KBTBD12: variants seen among roughly 807,000 people sequenced by gnomAD.
The protein encoded by KBTBD12 is kelch repeat and BTB domain containing 12.
KBTBD12 carries 53 observed loss-of-function variants against 58.7 expected under a neutral mutation model. That is an observed-to-expected ratio of 0.90 (90% CI 0.72 to 1.14). The LOEUF (loss-of-function observed/expected upper bound fraction) is 1.14. Among genes scored for constraint, KBTBD12 ranks in the 50% most tolerant of loss-of-function variants. The probability of loss-of-function intolerance (pLI) is 0.00; values close to 1 mark genes in which losing one functional copy is unlikely to be tolerated. For synonymous variants in KBTBD12, 236 were observed against 259.8 expected (o/e 0.91, Z 0.88); for missense variants, 704 against 751.3 (o/e 0.94, Z 0.74).
At chr3:127,983,117 A>G (rs1276521366) in intron 5 of KBTBD12, among the ~76,000 whole-genome samples, 1 of 152,244 alleles carries the variant, frequency 6.6e-6, no homozygotes, top group African/African-American at 2.4e-5. Flanking sequence ...CACTTTTTCA[A>G]CTGGAGACAA....
intron 5 of KBTBD12, among the ~76,000 whole-genome samples, chr3:127,974,770 G>T (rs781687998): frequency 6.6e-6 from 1 of 152,100 alleles, no homozygotes; most frequent in Non-Finnish European, 1.5e-5. Flanking sequence ...GGGGGAACAC[G>T]AGGTGAGACC....
chr3:127,955,829 G>A (rs139113910), intron 4 of KBTBD12, among the ~76,000 whole-genome samples: 2,751 of 152,292 alleles, frequency 0.018, 62 homozygotes, highest in Non-Finnish European at 0.021. Context: ...GATGAATAAG[G>A]CAATATCTCT....
chr3:127,967,509 C>T (rs564651698), intron 5 of KBTBD12, among the ~76,000 whole-genome samples: 6 of 152,204 alleles, frequency 3.9e-5, no homozygotes, highest in African/African-American at 9.6e-5. Flanking sequence ...AAGCCAAGTC[C>T]GCATTCTTCA....
chr3:127,959,440 C>T (rs764445854), intron 4 of KBTBD12, among the ~76,000 whole-genome samples: 26 of 152,146 alleles, frequency 1.7e-4, no homozygotes, highest in Non-Finnish European at 1.8e-4. Context: ...TCTATCCAAC[C>T]CCGGAAGAAA....
At chr3:127,946,192 G>A (rs1284628602) in intron 4 of KBTBD12, among the ~76,000 whole-genome samples, 1 of 152,106 alleles carries the variant, frequency 6.6e-6, no homozygotes, top group Non-Finnish European at 1.5e-5. Flanking sequence ...AACCTGTTAT[G>A]TTTATTCACA....
At chr3:127,980,035 G>T (rs1027693734) in intron 5 of KBTBD12, among the ~76,000 whole-genome samples, 1 of 152,134 alleles carries the variant, frequency 6.6e-6, no homozygotes, top group Non-Finnish European at 1.5e-5. Flanking sequence ...GCAGAAATTA[G>T]GCCTGAGATT....
chr3:127,949,176 A>G (rs1299302734), intron 4 of KBTBD12, among the ~76,000 whole-genome samples: 1 of 152,210 alleles, frequency 6.6e-6, no homozygotes. Context: ...AAAAGATGTC[A>G]CAGAGAGATT....
chr3:127,974,635 C>T (rs1195423469), intron 5 of KBTBD12, among the ~76,000 whole-genome samples: 2 of 152,178 alleles, frequency 1.3e-5, no homozygotes, highest in Admixed American at 6.5e-5. Flanking sequence ...ATACATCTGA[C>T]CTGTTCTTTC....
chr3:127,930,729 G>C (rs998598370), intron 4 of KBTBD12, among the ~76,000 whole-genome samples: 2 of 152,148 alleles, frequency 1.3e-5, no homozygotes, highest in African/African-American at 4.8e-5. Context: ...AATTTCTAGA[G>C]AGGTGTTATC....
chr3:127,952,997 A>G (rs1940239936), intron 4 of KBTBD12, among the ~76,000 whole-genome samples: 1 of 152,222 alleles, frequency 6.6e-6, no homozygotes, highest in Non-Finnish European at 1.5e-5. Context: ...GCACCATGTG[A>G]TTTTGAGCAA....
Position 127,923,203 on chromosome 3 carries a change from G to C in KBTBD12, c.142G>C (p.Val48Leu), listed in dbSNP as rs1292825803. Residue 48 changes from valine to leucine, a missense_variant, in exon 2 of 6, where the codon GTC (valine) becomes CTC (leucine). Physicochemically the swap from Val to Leu is conservative, Grantham distance 32 (BLOSUM62 1). Coordinates refer to ENST00000405109, the MANE Select transcript of KBTBD12 (RefSeq NM_207335.4). ...EGEKFPCHRLVLAAFSPYFKA... is the reference protein window; with the variant it reads ...EGEKFPCHRLLLAAFSPYFKA... ...AGAGAAATTTCCTTGCCACAGACTG[G>C]TCCTGGCTGCATTTAGCCCTTATTT... is the stretch of plus-strand genomic sequence containing the variant. The C allele has an allele frequency of 1.9e-6, 3 of 1,613,706 alleles. No homozygotes were observed. The highest frequency in any genetic ancestry group is 1.3e-5 in the African/African-American group (1 of 74,914).
intron 4 of KBTBD12, among the ~76,000 whole-genome samples, chr3:127,942,018 T>A (rs773849259): frequency 6.6e-6 from 1 of 152,092 alleles, no homozygotes; most frequent in African/African-American, 2.4e-5. Flanking sequence ...TAAAGAAAGA[T>A]AAAGTTGTGC....
In KBTBD12 at chr3:127,930,180, G is replaced by GCAGT; in HGVS notation, c.1390_1393dup (p.Tyr465SerfsTer3). 6.2e-7 allele frequency: 1 copy of GCAGT among 1,603,186 alleles called. No individual in the cohort carries two copies. Among genetic ancestry groups the GCAGT allele is most frequent in the Non-Finnish European group, 8.5e-7 (1 of 1,174,246 alleles). Reference sequence around the variant, plus strand: ...CTGATCGATTAAGCAACAAACTGTTGCAGTATGACCCCAGCCAAGATCAAT... The same window carrying GCAGT: ...CTGATCGATTAAGCAACAAACTGTTGCAGTCAGTATGACCCCAGCCAAGATCAAT... On this transcript the variant is annotated frameshift_variant, in exon 4 of 6. Coordinates refer to ENST00000405109, the MANE Select transcript of KBTBD12 (RefSeq NM_207335.4). LOFTEE classifies it high-confidence loss of function.
intron 2 of KBTBD12, among the ~76,000 whole-genome samples, chr3:127,925,654 C>T (rs773908061): frequency 6.6e-6 from 1 of 152,128 alleles, no homozygotes; most frequent in African/African-American, 2.4e-5. Flanking sequence ...TTGAACTCAA[C>T]CAGGTTCCCA....
intron 4 of KBTBD12, among the ~76,000 whole-genome samples, chr3:127,945,436 A>G (rs1405630434): frequency 1.3e-5 from 2 of 151,224 alleles, no homozygotes; most frequent in Admixed American, 6.6e-5. Flanking sequence ...CACCCGCCTC[A>G]GCCTCCCAAA....
intron 1 of KBTBD12, among the ~76,000 whole-genome samples, chr3:127,916,477 C>T (rs1939244436): frequency 6.6e-6 from 1 of 152,096 alleles, no homozygotes; most frequent in Non-Finnish European, 1.5e-5. Flanking sequence ...AGAAAAGCAA[C>T]AGCGTAAGAA....
intron 5 of KBTBD12, among the ~76,000 whole-genome samples, chr3:127,981,544 G>A (rs1159196591): frequency 1.3e-5 from 2 of 152,148 alleles, no homozygotes; most frequent in African/African-American, 4.8e-5. Context: ...ATTTCATTAG[G>A]TTTTGGAGGA....
At chr3:127,965,128 C>T (rs1270471611) in intron 5 of KBTBD12, among the ~76,000 whole-genome samples, 1 of 152,194 alleles carries the variant, frequency 6.6e-6, no homozygotes, top group Non-Finnish European at 1.5e-5. Flanking sequence ...TGAGGGTTAG[C>T]CTCCAGAGGG....
Position 127,985,599 on chromosome 3 carries a change from C to A in KBTBD12, c.*1321C>A, listed in dbSNP as rs1329105192. The A allele has an allele frequency of 6.6e-6, 1 of 152,238 alleles. No homozygotes were observed. The highest frequency in any genetic ancestry group is 1.5e-5 in the Non-Finnish European group (1 of 68,118). The allele number at this position is 152,238 out of a possible 1,614,324, so 9.4% of individuals were successfully genotyped here. A position where few individuals can be genotyped will look rare whatever the true frequency, so the allele number is the denominator to read the frequency against. On this transcript the variant is annotated 3_prime_UTR_variant, in exon 6 of 6. Transcript: ENST00000405109. ...GTGCTGAGCTGTGTGATTGTGATGA[C>A]CGCTAGCCTGTGCCCCTAGGTTCCA...
Sources: gnomAD v4.1 joint callset for allele counts (sites outside exome capture counted in the v4.1 genomes callset) on GRCh38, gnomAD v4.1.1 for gene constraint, MANE v1.5 for transcripts, NCBI Gene and HGNC (gene_info 2026-07-23, HGNC 2026-07-21) for gene names.